C1QTNF7: variants seen among roughly 807,000 people sequenced by gnomAD.
C1QTNF7 encodes C1q and TNF related 7, also known as complement C1q tumor necrosis factor-related protein 7.
A neutral mutation model predicts 19.6 loss-of-function variants in C1QTNF7; 15 were observed. That is an observed-to-expected ratio of 0.76 (90% CI 0.51 to 1.18). The LOEUF is 1.18. Among genes scored for constraint, C1QTNF7 ranks in the 50% most tolerant of loss-of-function variants. C1QTNF7 has a pLI of 0.00. For missense variants in C1QTNF7, 324 were observed against 359.7 expected (o/e 0.90, Z 0.80); for synonymous variants, 142 against 137.5 (o/e 1.03, Z -0.23).
chr4:15,427,420 A>T (rs1486683852), upstream of C1QTNF7, among the ~76,000 whole-genome samples: 1 of 152,232 alleles, frequency 6.6e-6, no homozygotes, highest in Admixed American at 6.5e-5. Flanking sequence ...AGATGTTATG[A>T]TCAGTTCTTT....
intron 1 of C1QTNF7, among the ~76,000 whole-genome samples, chr4:15,391,644 AAAC>A (rs1718562484): frequency 6.6e-6 from 1 of 152,172 alleles, no homozygotes; most frequent in East Asian, 1.9e-4. Flanking sequence ...GGGGGAGTAA[AAAC>A]AACACTTGTT....
At chr4:15,420,825 T>TA (rs1711713731) in intron 1 of C1QTNF7, among the ~76,000 whole-genome samples, 1 of 130,820 alleles carries the variant, frequency 7.6e-6, no homozygotes, top group Non-Finnish European at 1.7e-5. Flanking sequence ...CACTGCTTTG[T>TA]CTTTTTTTTT....
intron 1 of C1QTNF7, among the ~76,000 whole-genome samples, chr4:15,432,641 A>G (rs941615976): frequency 6.6e-5 from 10 of 152,098 alleles, no homozygotes; most frequent in African/African-American, 2.4e-4. Flanking sequence ...GTGATCCTCC[A>G]ACCTTGGCCA....
chr4:15,433,644 T>G (rs1031398756), intron 1 of C1QTNF7, among the ~76,000 whole-genome samples: 1 of 152,204 alleles, frequency 6.6e-6, no homozygotes, highest in Non-Finnish European at 1.5e-5. Context: ...TGATTCTAAA[T>G]TTCAACACAC....
chr4:15,431,063 TAG>T (rs1712286044), intron 1 of C1QTNF7, among the ~76,000 whole-genome samples: 1 of 148,406 alleles, frequency 6.7e-6, no homozygotes, highest in Admixed American at 6.7e-5. Context: ...GATAGATAGA[TAG>T]ATAGATAGAT....
rs368885648 is a variant in C1QTNF7 at position 15,346,625 on chromosome 4, T to G, written c.13+6418T>G. ...TAGAAAGACTTTTTATGAAGTCATT[T>G]CAATCCCATTCCACTCTAAAAATCT... On this transcript the variant is annotated intron_variant, in intron 1 of 2. Transcript: ENST00000295297. Among the ~76,000 whole-genome samples, 29 of 152,344 alleles carry G rather than the reference T, an allele frequency of 1.9e-4. 1 individual carries two copies. The highest frequency in any genetic ancestry group is 9.8e-4 in the Admixed American group (15 of 15,300).
At chr4:15,430,306 T>C (rs1712246085) in intron 1 of C1QTNF7, among the ~76,000 whole-genome samples, 1 of 152,184 alleles carries the variant, frequency 6.6e-6, no homozygotes, top group South Asian at 2.1e-4. Context: ...ATTTCCAGGT[T>C]GGGCGTGGCA....
intron 1 of C1QTNF7, among the ~76,000 whole-genome samples, chr4:15,389,387 C>T (rs1248314342): frequency 2.0e-5 from 3 of 151,958 alleles, no homozygotes; most frequent in African/African-American, 7.3e-5. Flanking sequence ...TCTCTTCACT[C>T]CTGTGCATGA....
At chr4:15,368,478 C>T (rs766088503) in intron 1 of C1QTNF7, among the ~76,000 whole-genome samples, 24 of 151,880 alleles carry the variant, frequency 1.6e-4, no homozygotes, top group Non-Finnish European at 3.2e-4. Context: ...GTGTGATGTT[C>T]CCCTCCCTGT....
intron 1 of C1QTNF7, among the ~76,000 whole-genome samples, chr4:15,416,623 G>A (rs948823108): frequency 2.6e-5 from 4 of 152,152 alleles, no homozygotes; most frequent in South Asian, 2.1e-4. Context: ...CACGATACTC[G>A]ACCCTGCCTT....
intron 2 of C1QTNF7, 129 bp from the exon 3 acceptor site, chr4:15,442,039 T>A (rs1712780119): frequency 1.1e-6 from 1 of 939,230 alleles, no homozygotes. Context: ...AAAAGTTTAT[T>A]ATTTAGTAGT....
intron 1 of C1QTNF7, among the ~76,000 whole-genome samples, chr4:15,341,140 C>G (rs930544423): frequency 2.0e-5 from 3 of 152,246 alleles, no homozygotes; most frequent in Non-Finnish European, 4.4e-5. Context: ...CACATTCATT[C>G]CTTCACGCAC....
At chr4:15,382,863 C>A (rs192573092) in intron 1 of C1QTNF7, among the ~76,000 whole-genome samples, 19 of 152,316 alleles carry the variant, frequency 1.2e-4, no homozygotes, top group Non-Finnish European at 2.4e-4. Context: ...AAGTATCCAG[C>A]TCTCGGCAGG....
intron 1 of C1QTNF7, among the ~76,000 whole-genome samples, chr4:15,428,795 C>G (rs946067752): frequency 2.6e-5 from 4 of 152,192 alleles, no homozygotes; most frequent in Non-Finnish European, 5.9e-5. Context: ...AAACACAGAG[C>G]TTGCTGTTGT....
intron 1 of C1QTNF7, among the ~76,000 whole-genome samples, chr4:15,359,205 C>A (rs916024659): frequency 4.6e-5 from 7 of 152,096 alleles, no homozygotes; most frequent in African/African-American, 1.7e-4. Flanking sequence ...TGTCTGCTCT[C>A]ACCAACCAGT....
intron 1 of C1QTNF7, among the ~76,000 whole-genome samples, chr4:15,411,092 G>A (rs1028506206): frequency 6.6e-6 from 1 of 152,144 alleles, no homozygotes; most frequent in Non-Finnish European, 1.5e-5. Context: ...TTCCATTATT[G>A]CAAGGAGTCA....
At chr4:15,344,281 C>T (rs781065881) in intron 1 of C1QTNF7, among the ~76,000 whole-genome samples, 10 of 152,144 alleles carry the variant, frequency 6.6e-5, no homozygotes, top group African/African-American at 2.4e-4. Flanking sequence ...GGTTTGTAAA[C>T]AAGAAAGTAA....
upstream of C1QTNF7, among the ~76,000 whole-genome samples, chr4:15,427,477 T>C (rs1364506606): frequency 6.6e-6 from 1 of 152,168 alleles, no homozygotes; most frequent in Non-Finnish European, 1.5e-5. Flanking sequence ...CAATCATTTA[T>C]CCATTCAGCA....
chr4:15,396,239 G>A (rs1177397157), intron 1 of C1QTNF7, among the ~76,000 whole-genome samples: 1 of 152,128 alleles, frequency 6.6e-6, no homozygotes, highest in East Asian at 1.9e-4. Context: ...GGGCCTCACT[G>A]CTCCAAATTC....
Sources: gnomAD v4.1 joint callset for allele counts (sites outside exome capture counted in the v4.1 genomes callset) on GRCh38, gnomAD v4.1.1 for gene constraint, MANE v1.5 for transcripts, NCBI Gene and HGNC (gene_info 2026-07-23, HGNC 2026-07-21) for gene names.